The following RANBP17 variants were observed in gnomAD, a reference collection of about 807,000 sequenced individuals.
The protein encoded by RANBP17 is ran-binding protein 17.
Under a neutral mutation model 141.2 loss-of-function variants are expected in RANBP17, and 158 were observed. The ratio of observed to expected loss-of-function variants is 1.12; its 90% CI spans 0.98 to 1.28. The LOEUF (loss-of-function observed/expected upper bound fraction) is 1.28. RANBP17 is among the 50% of genes most tolerant of loss of function. The probability of loss-of-function intolerance (pLI) is 0.00; values close to 1 mark genes in which losing one functional copy is unlikely to be tolerated. For missense variants in RANBP17, 1,438 were observed against 1,290.7 expected (o/e 1.11, Z -1.75); for synonymous variants, 430 against 450.0 (o/e 0.96, Z 0.56).
At chr5:171,019,117 G>A (rs571730667) in intron 14 of RANBP17, among the ~76,000 whole-genome samples, 112 of 152,218 alleles carry the variant, frequency 7.4e-4, no homozygotes, top group Non-Finnish European at 1.3e-3. Flanking sequence ...TGACTTGATC[G>A]TGGTGGATAA....
intron 18 of RANBP17, among the ~76,000 whole-genome samples, chr5:171,191,945 A>C (rs936147528): frequency 6.6e-6 from 1 of 152,232 alleles, no homozygotes. Context: ...CTAAGCGTCT[A>C]TGAAATAAAC....
At position 171,179,495 on chromosome 5, in the gene RANBP17, A is replaced by G. The variant is rs933620635; in HGVS notation, c.1866-3672A>G. Reference sequence around the variant, plus strand: ...TAAGTACAGCAATTTCTGACATGTAATATTGTCATCTGTGAACTTTCTTCT... The same window carrying G: ...TAAGTACAGCAATTTCTGACATGTAGTATTGTCATCTGTGAACTTTCTTCT... On this transcript the variant is annotated intron_variant, in intron 16 of 27. Transcript: ENST00000523189. Among the ~76,000 whole-genome samples, 3 of 152,156 alleles carry G rather than the reference A, an allele frequency of 2.0e-5. No homozygotes were observed. In the East Asian group the frequency reaches 5.8e-4, roughly 29 times the overall value.
chr5:171,251,339 T>A (rs1473372192), intron 24 of RANBP17, among the ~76,000 whole-genome samples: 1 of 151,970 alleles, frequency 6.6e-6, no homozygotes, highest in Non-Finnish European at 1.5e-5. Flanking sequence ...CTTGGCCTCC[T>A]AAAGTGCTGG....
chr5:171,012,836 CAAATGTATA>C (rs1780150297), intron 14 of RANBP17, among the ~76,000 whole-genome samples: 1 of 152,076 alleles, frequency 6.6e-6, no homozygotes, highest in Non-Finnish European at 1.5e-5. Context: ...CTTTTAAAAA[CAAATGTATA>C]TGGTTGCTTG....
intron 14 of RANBP17, among the ~76,000 whole-genome samples, chr5:171,133,613 A>G (rs1335015741): frequency 6.6e-6 from 1 of 152,242 alleles, no homozygotes; most frequent in Non-Finnish European, 1.5e-5. Context: ...GAATTTTCAT[A>G]AATGCTTGAA....
At chr5:171,244,257 G>A (rs891046397) in intron 24 of RANBP17, among the ~76,000 whole-genome samples, 3 of 151,712 alleles carry the variant, frequency 2.0e-5, no homozygotes, top group African/African-American at 4.8e-5. Flanking sequence ...GCCAGGTGTG[G>A]TGGTGTGCGC....
intron 14 of RANBP17, chr5:170,983,058 TTACCAGGAAGTTGCTGGAGACTGTATAC>T (rs1456651474): frequency 2.0e-6 from 1 of 503,322 alleles, no homozygotes; most frequent in Admixed American, 2.3e-5. Context: ...CTTATATCTT[TTACCAGGAAGTTGCTGGAGACTGTATAC>T]TACTCAATTA....
At chr5:170,944,399 T>G (rs1197810438) in intron 12 of RANBP17, among the ~76,000 whole-genome samples, 1 of 152,198 alleles carries the variant, frequency 6.6e-6, no homozygotes, top group Non-Finnish European at 1.5e-5. Context: ...CCTGAGTTGC[T>G]GAGATTACAG....
At chr5:171,018,410 G>C (rs1023556571) in intron 14 of RANBP17, among the ~76,000 whole-genome samples, 4 of 152,102 alleles carry the variant, frequency 2.6e-5, no homozygotes, top group Non-Finnish European at 5.9e-5. Flanking sequence ...TTTTCCATTT[G>C]TTTGTGTCCT....
At chr5:171,152,353 A>G (rs1758547411) in intron 14 of RANBP17, among the ~76,000 whole-genome samples, 1 of 148,904 alleles carries the variant, frequency 6.7e-6, no homozygotes, top group African/African-American at 2.5e-5. Context: ...CGGGAGGCGG[A>G]GGTTGCAGTG....
intron 14 of RANBP17, among the ~76,000 whole-genome samples, chr5:171,087,765 T>C (rs1785797264): frequency 1.4e-5 from 2 of 148,014 alleles, no homozygotes; most frequent in South Asian, 2.2e-4. Flanking sequence ...AAGTCTGTTT[T>C]ATCAGAGACT....
chr5:171,039,595 C>G (rs539611559), intron 14 of RANBP17, among the ~76,000 whole-genome samples: 30 of 151,780 alleles, frequency 2.0e-4, no homozygotes, highest in Middle Eastern at 3.4e-3. Context: ...TCCCATTTGT[C>G]AATATTTGTT....
chr5:171,154,836 A>T (rs1758743821), intron 14 of RANBP17, among the ~76,000 whole-genome samples: 1 of 151,884 alleles, frequency 6.6e-6, no homozygotes, highest in South Asian at 2.1e-4. Context: ...ACACTTTGGG[A>T]GGCCGAGGCA....
At chr5:171,142,755 T>C (rs781421616) in intron 14 of RANBP17, among the ~76,000 whole-genome samples, 17 of 152,190 alleles carry the variant, frequency 1.1e-4, no homozygotes, top group Non-Finnish European at 1.9e-4. Flanking sequence ...ATACTTTATT[T>C]ACTTTGGTCA....
intron 14 of RANBP17, among the ~76,000 whole-genome samples, chr5:171,001,206 G>A (rs1285568477): frequency 3.3e-5 from 5 of 152,116 alleles, no homozygotes; most frequent in African/African-American, 7.2e-5. Context: ...TTCAACTGAA[G>A]AAAGATTTTG....
At chr5:171,006,647 A>C (rs181667200) in intron 14 of RANBP17, among the ~76,000 whole-genome samples, 11 of 152,102 alleles carry the variant, frequency 7.2e-5, no homozygotes, top group Admixed American at 3.3e-4. Context: ...CTAATGTTAC[A>C]TGACGAGTTA....
chr5:171,009,019 C>A (rs1345116073), intron 14 of RANBP17, among the ~76,000 whole-genome samples: 1 of 152,156 alleles, frequency 6.6e-6, no homozygotes, highest in Non-Finnish European at 1.5e-5. Flanking sequence ...TTTGGCACTG[C>A]TAAATGTTCA....
At chr5:171,015,055 A>C (rs1010260230) in intron 14 of RANBP17, among the ~76,000 whole-genome samples, 1 of 151,954 alleles carries the variant, frequency 6.6e-6, no homozygotes, top group African/African-American at 2.4e-5. Context: ...CACTGTATGT[A>C]ATTTGCCTTT....
intron 5 of RANBP17, among the ~76,000 whole-genome samples, chr5:170,908,892 T>A (rs1286001757): frequency 6.6e-6 from 1 of 151,912 alleles, no homozygotes; most frequent in Non-Finnish European, 1.5e-5. Flanking sequence ...AAATGGTTTA[T>A]TTTCTTCTTC....
Sources: allele counts gnomAD v4.1 joint callset (sites outside exome capture counted in the v4.1 genomes callset), GRCh38; gene constraint gnomAD v4.1.1; transcripts MANE v1.5; gene names NCBI Gene and HGNC (gene_info 2026-07-23, HGNC 2026-07-21).